COQ5: variants seen among roughly 807,000 people sequenced by gnomAD.
COQ5 encodes the protein coenzyme Q5, methyltransferase, also known as 2-methoxy-6-polyprenyl-1,4-benzoquinol methylase, mitochondrial.
COQ5 carries 27 observed loss-of-function variants against 40.5 expected under a neutral mutation model. That is an observed-to-expected ratio of 0.67 (90% confidence interval 0.49 to 0.92). The LOEUF is 0.92. Ranked by LOEUF, COQ5 falls within the 40% of genes least tolerant of loss-of-function variation. The probability of loss-of-function intolerance (pLI) is 0.00; values close to 1 mark genes in which losing one functional copy is unlikely to be tolerated. For synonymous variants in COQ5, 141 were observed against 150.0 expected (o/e 0.94, Z 0.44); for missense variants, 409 against 406.4 (o/e 1.01, Z -0.06).
intron 2 of COQ5, among the ~76,000 whole-genome samples, chr12:120,520,819 T>A (rs150556773): frequency 0.011 from 1,702 of 151,832 alleles, 30 homozygotes; most frequent in African/African-American, 0.039. Context: ...ATCATGACAT[T>A]TTTCTCTCCA....
intron 1 of COQ5, chr12:120,524,106 C>T (rs1288128171): frequency 4.0e-6 from 1 of 250,754 alleles, no homozygotes; most frequent in Admixed American, 5.6e-5. Context: ...ATTTGGTGGG[C>T]ACCTAGATGC....
chr12:120,514,599 C>G (rs1320763160), intron 3 of COQ5, among the ~76,000 whole-genome samples: 1 of 151,674 alleles, frequency 6.6e-6, no homozygotes, highest in African/African-American at 2.4e-5. Flanking sequence ...AAAAATTAGC[C>G]GGGTATGGTG....
Position 120,503,662 on chromosome 12 carries a change from T to G in COQ5, c.*122A>C. 2.6e-6 allele frequency: 2 copies of G among 757,886 alleles called. No individual in the cohort carries two copies. Among genetic ancestry groups the G allele is most frequent in the Non-Finnish European group, 2.4e-6 (1 of 424,668 alleles). The allele number at this position is 757,886 out of a possible 1,614,324, so 46.9% of individuals were successfully genotyped here. A position where few individuals can be genotyped will look rare whatever the true frequency, so the allele number is the denominator to read the frequency against. On this transcript the variant is annotated 3_prime_UTR_variant, in exon 7 of 7. Transcript: ENST00000288532. ...ACTTTGAGACTGTTCGATTCAAACA[T>G]GAGTCCAAGGCACGTATCCTTAAGA...
chr12:120,516,515 A>C (rs139643937), intron 3 of COQ5, 52 bp downstream of exon 3: 2 of 1,393,710 alleles, frequency 1.4e-6, no homozygotes, highest in African/African-American at 2.8e-5. Context: ...ATTCCACCTT[A>C]TTCTATAAAG....
chr12:120,514,033 A>T (rs1176263784), intron 3 of COQ5, among the ~76,000 whole-genome samples: 1 of 152,142 alleles, frequency 6.6e-6, no homozygotes, highest in African/African-American at 2.4e-5. Context: ...AATGGAAGAG[A>T]TGATTCCAGA....
At chr12:120,528,841 C>A in intron 1 of COQ5, 99 bp downstream of exon 1, 1 of 1,107,828 alleles carries the variant, frequency 9.0e-7, no homozygotes, top group Non-Finnish European at 1.4e-6. Flanking sequence ...CAGACAACAA[C>A]ACTGGAACTA....
chr12:120,521,590 G>A (rs1234200892), intron 2 of COQ5, among the ~76,000 whole-genome samples: 2 of 149,910 alleles, frequency 1.3e-5, no homozygotes, highest in Non-Finnish European at 3.0e-5. Flanking sequence ...GCAGAGAATT[G>A]CTTGAACCCC....
At chr12:120,522,406 TC>T in intron 1 of COQ5, 43 bp from the exon 2 acceptor site, 2 of 1,600,676 alleles carry the variant, frequency 1.2e-6, no homozygotes, top group Non-Finnish European at 1.7e-6. Context: ...TTAACAGAAT[TC>T]CCTTAGAAAA....
At chr12:120,520,839 T>C (rs1212760130) in intron 2 of COQ5, among the ~76,000 whole-genome samples, 2 of 151,874 alleles carry the variant, frequency 1.3e-5, no homozygotes, top group Admixed American at 1.3e-4. Context: ...AAATGCTCAG[T>C]GTACAAGAAG....
At chr12:120,526,698 A>T (rs1048380886) in intron 1 of COQ5, among the ~76,000 whole-genome samples, 1 of 64,088 alleles carries the variant, frequency 1.6e-5, no homozygotes, top group Admixed American at 2.6e-4. Context: ...ACTCTTGGCA[A>T]TTTTTTTTTT....
rs371074753 is a variant in COQ5 at position 120,516,681 on chromosome 12, C to G, written c.460G>C (p.Glu154Gln). The change falls in exon 3 of 7, where the codon GAG (glutamate) becomes CAG (glutamine). Residue 154 changes from glutamate to glutamine, a missense_variant. Transcript: ENST00000288532. ...AAGGAATCTTCTTCATTCTGGTACTCTTTGGCAATTTCTTCCCAGGATAAA... is the reference window on the plus strand; with the variant it reads ...AAGGAATCTTCTTCATTCTGGTACTGTTTGGCAATTTCTTCCCAGGATAAA... ...QNLSWEEIAK[E>Q]YQNEEDSLGG... 3.7e-6 allele frequency: 6 copies of G among 1,614,054 alleles called. No individual in the cohort carries two copies. In the African/African-American group the frequency reaches 8.0e-5, roughly 22 times the overall value.
intron 1 of COQ5, among the ~76,000 whole-genome samples, chr12:120,525,856 C>T (rs1310749304): frequency 6.6e-6 from 1 of 151,954 alleles, no homozygotes; most frequent in Non-Finnish European, 1.5e-5. Flanking sequence ...ACCTGGGAGG[C>T]GGAGCTTACA....
chr12:120,521,724 G>T (rs1308979962), intron 2 of COQ5, among the ~76,000 whole-genome samples: 1 of 148,924 alleles, frequency 6.7e-6, no homozygotes, highest in Middle Eastern at 3.7e-3. Context: ...ACAGGCACCG[G>T]CCAGGTTCAT....
chr12:120,528,905 C>T (rs751912676), intron 1 of COQ5, 35 bp downstream of exon 1: 1 of 1,590,242 alleles, frequency 6.3e-7, no homozygotes, highest in South Asian at 1.1e-5. Context: ...CATGGACGGT[C>T]AGATCCCTCC....
intron 4 of COQ5, among the ~76,000 whole-genome samples, chr12:120,509,134 C>T (rs1869016469): frequency 6.6e-6 from 1 of 152,034 alleles, no homozygotes; most frequent in Admixed American, 6.6e-5. Context: ...ACCACTTAAC[C>T]AGAGGACCCA....
At chr12:120,506,563 C>T (rs142320819) in intron 4 of COQ5, among the ~76,000 whole-genome samples, 3,232 of 152,046 alleles carry the variant, frequency 0.021, 112 homozygotes, top group African/African-American at 0.073. Context: ...GATGGAGTTT[C>T]GCCATGTTGG....
intron 2 of COQ5, among the ~76,000 whole-genome samples, chr12:120,517,593 A>C (rs1488087624): frequency 1.7e-4 from 26 of 149,276 alleles, no homozygotes; most frequent in Non-Finnish European, 3.7e-4. Flanking sequence ...GAGGCAGGAG[A>C]ATGGCATGAA....
chr12:120,516,089 G>C (rs958437270), intron 3 of COQ5, among the ~76,000 whole-genome samples: 2 of 152,150 alleles, frequency 1.3e-5, no homozygotes, highest in African/African-American at 4.8e-5. Context: ...GGCTCAGCCA[G>C]AAGTTCTTTC....
At chr12:120,527,230 G>A (rs184113177) in intron 1 of COQ5, 1 of 152,054 alleles carries the variant, frequency 6.6e-6, no homozygotes, top group Non-Finnish European at 1.5e-5. Context: ...TTACAGGCGT[G>A]CGTCACCATG....
Sources: gnomAD v4.1 joint callset for allele counts (sites outside exome capture counted in the v4.1 genomes callset) on GRCh38, gnomAD v4.1.1 for gene constraint, MANE v1.5 for transcripts, NCBI Gene and HGNC (gene_info 2026-07-23, HGNC 2026-07-21) for gene names.